ENTPD5: variants seen among roughly 807,000 people sequenced by gnomAD.
ENTPD5 encodes the protein ectonucleoside triphosphate diphosphohydrolase 5 (inactive).
Under a neutral mutation model 60.2 loss-of-function variants are expected in ENTPD5, and 49 were observed. The observed-to-expected ratio is 0.81, with a 90% CI of 0.65 to 1.03. The LOEUF is 1.03. Among genes scored for constraint, ENTPD5 ranks in the 50% least tolerant of loss-of-function variants. The pLI, the probability that ENTPD5 is intolerant of heterozygous loss-of-function variation, is 0.00. For synonymous variants in ENTPD5, 187 were observed against 185.4 expected, an observed-to-expected ratio of 1.01 and a Z score of -0.07; for missense variants, 480 against 507.6, an observed-to-expected ratio of 0.95 and a Z score of 0.52.
intron 5 of ENTPD5, among the ~76,000 whole-genome samples, chr14:73,984,485 A>G (rs1004738126): frequency 1.1e-4 from 16 of 152,216 alleles, no homozygotes; most frequent in Non-Finnish European, 2.9e-5. Context: ...GTATCATCAT[A>G]TGGCACACAG....
intron 3 of ENTPD5, among the ~76,000 whole-genome samples, chr14:73,995,584 C>A (rs577626753): frequency 1.9e-4 from 16 of 85,602 alleles, no homozygotes; most frequent in Admixed American, 1.3e-3. Flanking sequence ...GACTCTATCT[C>A]AAATAATAAT....
In ENTPD5 at chr14:73,988,118, T is replaced by A. The variant is rs1385342402; in HGVS notation, c.-16A>T. ...AAGTGGCCATTCTTTTCCCAAGATG[T>A]GGCTGGGTGGAGGCTTTTGTTGCAG... On this transcript the variant is annotated 5_prime_UTR_variant, in exon 4 of 16. Coordinates refer to ENST00000334696, the MANE Select transcript of ENTPD5 (RefSeq NM_001249.5). The A allele has an allele frequency of 6.3e-7, 1 of 1,597,326 alleles. No homozygotes were observed. Among genetic ancestry groups the A allele is most frequent in the South Asian group, 1.1e-5 (1 of 88,776 alleles).
At chr14:73,955,815 C>T, downstream of ENTPD5, 1 of 1,614,128 alleles carries the variant, frequency 6.2e-7, no homozygotes, top group Non-Finnish European at 8.5e-7. Flanking sequence ...GTGTGGGACG[C>T]CTGCTCAGAG....
chr14:74,001,546 T>C (rs975563796), intron 3 of ENTPD5, among the ~76,000 whole-genome samples: 9 of 151,078 alleles, frequency 6.0e-5, no homozygotes, highest in Admixed American at 3.3e-4. Flanking sequence ...CGGGCACCTG[T>C]AGTCCGAGCT....
chr14:73,992,516 C>T (rs1383386753), intron 3 of ENTPD5, among the ~76,000 whole-genome samples: 2 of 151,562 alleles, frequency 1.3e-5, no homozygotes, highest in African/African-American at 2.4e-5. Context: ...GAAACTCTGT[C>T]TCTATTAAAA....
At chr14:73,958,945 C>T (rs368686750), downstream of ENTPD5, 2 of 1,612,924 alleles carry the variant, frequency 1.2e-6, no homozygotes, top group Non-Finnish European at 1.7e-6. Flanking sequence ...GGCTGGAAGA[C>T]TTAGCAGGCT....
intron 14 of ENTPD5, among the ~76,000 whole-genome samples, chr14:73,970,521 T>G (rs1356001338): frequency 1.3e-5 from 2 of 151,854 alleles, no homozygotes; most frequent in Non-Finnish European, 2.9e-5. Context: ...AGAAGAAGAA[T>G]AAGCAAAGCA....
chr14:73,998,815 G>A (rs1393569387), intron 3 of ENTPD5, among the ~76,000 whole-genome samples: 1 of 152,082 alleles, frequency 6.6e-6, no homozygotes, highest in African/African-American at 2.4e-5. Context: ...GGGCCCCTGA[G>A]GAACAGTGAA....
At chr14:73,970,352 C>A (rs1372200796) in intron 14 of ENTPD5, among the ~76,000 whole-genome samples, 1 of 151,900 alleles carries the variant, frequency 6.6e-6, no homozygotes, top group Admixed American at 6.6e-5. Context: ...ATTAGCAGGG[C>A]GTGGTGGTGT....
intron 3 of ENTPD5, among the ~76,000 whole-genome samples, chr14:74,002,560 C>T (rs1037164299): frequency 9.2e-5 from 14 of 152,286 alleles, no homozygotes; most frequent in African/African-American, 3.4e-4. Context: ...AGCCACTGTG[C>T]CCAGCTAATC....
Position 73,965,784 on chromosome 14 carries a change from G to C in ENTPD5, c.*1144C>G, listed in dbSNP as rs1382510048. Reference sequence around the variant, plus strand: ...TCACAGTCAAGAGCTCTGAGCACTTGGATTCAAAAAGAGAGCATGAGGGAC... The same window carrying C: ...TCACAGTCAAGAGCTCTGAGCACTTCGATTCAAAAAGAGAGCATGAGGGAC... On this transcript the variant is annotated 3_prime_UTR_variant, in exon 16 of 16. Coordinates refer to ENST00000334696, the MANE Select transcript of ENTPD5 (RefSeq NM_001249.5). 2.0e-5 allele frequency: 3 copies of C among 152,168 alleles called. No homozygotes were observed. Among genetic ancestry groups the C allele is most frequent in the Non-Finnish European group, 2.9e-5 (2 of 68,058 alleles). The allele number at this position is 152,168 out of a possible 1,614,324, so 9.4% of individuals were successfully genotyped here.
intron 3 of ENTPD5, among the ~76,000 whole-genome samples, chr14:73,997,794 A>C (rs1216125679): frequency 2.0e-5 from 3 of 152,178 alleles, no homozygotes; most frequent in Non-Finnish European, 4.4e-5. Flanking sequence ...GTATTACCAA[A>C]GACAGGTATT....
downstream of ENTPD5, chr14:73,955,605 A>G (rs749878850): frequency 1.5e-6 from 2 of 1,378,704 alleles, no homozygotes; most frequent in Non-Finnish European, 2.1e-6. Flanking sequence ...TGTAGGAGGA[A>G]TCAGACAAGG....
At chr14:73,962,474 A>C (rs1214240770), downstream of ENTPD5, among the ~76,000 whole-genome samples, 1 of 152,040 alleles carries the variant, frequency 6.6e-6, no homozygotes, top group Non-Finnish European at 1.5e-5. Context: ...CAAGAGGATA[A>C]TTTAAGCCTA....
chr14:73,983,875 G>C (rs1027593130), intron 5 of ENTPD5, among the ~76,000 whole-genome samples: 34 of 150,874 alleles, frequency 2.3e-4, no homozygotes, highest in Non-Finnish European at 2.5e-4. Flanking sequence ...ATTTTTAGTA[G>C]AGACAGGGTG....
At chr14:73,956,259 T>C (rs1460001151), downstream of ENTPD5, 8 of 314,590 alleles carry the variant, frequency 2.5e-5, no homozygotes, top group East Asian at 2.3e-4. Context: ...ACCCAGGAGG[T>C]GGAGCTTGCA....
At chr14:73,959,161 G>C (rs775053324), downstream of ENTPD5, 1 of 1,614,140 alleles carries the variant, frequency 6.2e-7, no homozygotes, top group Admixed American at 1.7e-5. Flanking sequence ...CTCTGTTGCA[G>C]GCCACAGAAA....
At chr14:73,986,069 C>CA (rs534512335) in intron 5 of ENTPD5, among the ~76,000 whole-genome samples, 7,724 of 78,974 alleles carry the variant, frequency 0.098, 362 homozygotes, top group Middle Eastern at 0.32. Flanking sequence ...GATACTCCGT[C>CA]AAAAAAAAAA....
downstream of ENTPD5, chr14:73,958,820 C>T (rs1483659535): frequency 1.3e-6 from 2 of 1,530,654 alleles, no homozygotes; most frequent in South Asian, 1.2e-5. Flanking sequence ...GCAGGGGCTC[C>T]ACCTCTAGGG....
Sources: gnomAD v4.1 joint callset for allele counts (sites outside exome capture counted in the v4.1 genomes callset) on GRCh38, gnomAD v4.1.1 for gene constraint, MANE v1.5 for transcripts, NCBI Gene and HGNC (gene_info 2026-07-23, HGNC 2026-07-21) for gene names.